Variants in FAM98A observed in about 807,000 individuals in gnomAD.
The protein encoded by FAM98A is protein FAM98A.
FAM98A carries 25 observed loss-of-function variants against 62.9 expected under a neutral mutation model. The observed-to-expected ratio is 0.40, with a 90% confidence interval of 0.29 to 0.56. The LOEUF (loss-of-function observed/expected upper bound fraction) is 0.56. FAM98A is among the 20% of genes least tolerant of loss of function. The pLI is 0.51. For missense variants in FAM98A, 653 were observed against 640.7 expected, an observed-to-expected ratio of 1.02 and a Z score of -0.21; for synonymous variants, 252 against 228.6, an observed-to-expected ratio of 1.10 and a Z score of -0.92.
chr2:33,585,982 G>T (rs113165207), intron 6 of FAM98A, among the ~76,000 whole-genome samples: 13 of 152,250 alleles, frequency 8.5e-5, no homozygotes, highest in Admixed American at 7.8e-4. Context: ...TGATAAAAAG[G>T]TTCCCCCATC....
At chr2:33,593,361 G>A (rs768312846) in intron 2 of FAM98A, among the ~76,000 whole-genome samples, 18 of 152,256 alleles carry the variant, frequency 1.2e-4, no homozygotes, top group South Asian at 2.1e-4. Flanking sequence ...CCCAGATCGC[G>A]CCACTGCACT....
intron 1 of FAM98A, among the ~76,000 whole-genome samples, chr2:33,596,220 G>A (rs907944537): frequency 2.0e-5 from 3 of 151,958 alleles, no homozygotes; most frequent in Admixed American, 2.0e-4. Flanking sequence ...GGTTTTTAAT[G>A]ACTTCCTTTA....
rs1677756107 is a variant in FAM98A at position 33,594,633 on chromosome 2, A to G, written c.202+856T>C. Among the ~76,000 whole-genome samples the G allele has an allele frequency of 3.1e-5, 4 of 127,090 alleles. 1 individual carries two copies. The South Asian group carries it at 9.5e-4, about 30-fold the overall frequency. 83.4% of individuals were successfully genotyped at this position (127,090 alleles called of 152,430 possible). On this transcript the variant is annotated intron_variant, in intron 2 of 7. Coordinates refer to ENST00000238823, the MANE Select transcript of FAM98A (RefSeq NM_015475.5). ...CACACATATATATATACACACATAT[A>G]TATACACATATATATATACACACAT...
At chr2:33,594,382 AG>A (rs1677741884) in intron 2 of FAM98A, among the ~76,000 whole-genome samples, 1 of 151,784 alleles carries the variant, frequency 6.6e-6, no homozygotes, top group Admixed American at 6.6e-5. Flanking sequence ...GGACACAGGG[AG>A]GGGAACAACA....
chr2:33,596,964 C>T (rs1677827672), intron 1 of FAM98A, among the ~76,000 whole-genome samples: 1 of 149,918 alleles, frequency 6.7e-6, no homozygotes, highest in South Asian at 2.1e-4. Context: ...AGTTCTCAAA[C>T]CCTTTAAAAT....
chr2:33,584,073 T>C lies in FAM98A; in HGVS notation c.*703A>G, dbSNP rs1028404765. On this transcript the variant is annotated 3_prime_UTR_variant, in exon 8 of 8. Coordinates refer to ENST00000238823, the MANE Select transcript of FAM98A (RefSeq NM_015475.5). ...ATGGATGCAGGTCAGTTTGAATTGCTATACTTAACTAAATGCCTACATGTA... is the reference window on the plus strand; with the variant it reads ...ATGGATGCAGGTCAGTTTGAATTGCCATACTTAACTAAATGCCTACATGTA... 1 of 152,692 alleles carries C rather than the reference T, an allele frequency of 6.5e-6. No individual in the cohort carries two copies. The highest frequency in any genetic ancestry group is 1.5e-5 in the Non-Finnish European group (1 of 68,036). The allele number at this position is 152,692 out of a possible 1,614,324, so 9.5% of individuals were successfully genotyped here. A position where few individuals can be genotyped will look rare whatever the true frequency, so the allele number is the denominator to read the frequency against.
chr2:33,592,107 T>C lies in FAM98A; in HGVS notation c.310A>G (p.Ile104Val), dbSNP rs201196734. Reference sequence around the variant, plus strand: ...AGCAAGAGGAGGCAGTTCTTCTGAATGAGAAGGCGCTTGGTCACATCCCCA... The same window carrying C: ...AGCAAGAGGAGGCAGTTCTTCTGAACGAGAAGGCGCTTGGTCACATCCCCA... Reference protein sequence around the residue: ...TSGDVTKRLLIQKNCLLLLTY... With the variant: ...TSGDVTKRLLVQKNCLLLLTY... Residue 104 changes from isoleucine (I) to valine (V), a missense_variant, in exon 3 of 8, where the codon ATT (isoleucine) becomes GTT (valine). By Grantham distance (29) the Ile-to-Val change is conservative (BLOSUM62 3). Coordinates refer to ENST00000238823, the MANE Select transcript of FAM98A (RefSeq NM_015475.5). The C allele has an allele frequency of 1.8e-5, 29 of 1,613,436 alleles. No homozygotes were observed. Among genetic ancestry groups the C allele is most frequent in the Non-Finnish European group, 2.4e-5 (28 of 1,179,620 alleles).
intron 6 of FAM98A, among the ~76,000 whole-genome samples, chr2:33,586,125 G>A (rs981303490): frequency 2.0e-5 from 3 of 151,976 alleles, no homozygotes; most frequent in African/African-American, 7.3e-5. Context: ...AATGACCAAG[G>A]TCTTTACCTG....
rs907127967 is a variant in FAM98A at position 33,586,215 on chromosome 2, T to C, written c.720+347A>G. Reference sequence around the variant, plus strand: ...CTATAAATCATACCAAATCCAATATTTCTAACTTCTATTAGCAAATTAAAT... The same window carrying C: ...CTATAAATCATACCAAATCCAATATCTCTAACTTCTATTAGCAAATTAAAT... On this transcript the variant is annotated intron_variant, in intron 6 of 7. Coordinates refer to ENST00000238823, the MANE Select transcript of FAM98A (RefSeq NM_015475.5). Among the ~76,000 whole-genome samples, 3 of 152,222 alleles carry C rather than the reference T, an allele frequency of 2.0e-5. 1 individual carries two copies. Among genetic ancestry groups the C allele is most frequent in the African/African-American group, 7.2e-5 (3 of 41,468 alleles).
At chr2:33,593,676 TG>T (rs557117554) in intron 2 of FAM98A, among the ~76,000 whole-genome samples, 34 of 152,306 alleles carry the variant, frequency 2.2e-4, no homozygotes, top group African/African-American at 7.5e-4. Flanking sequence ...TTTTCTAATC[TG>T]TAATACAGGA....
intron 1 of FAM98A, among the ~76,000 whole-genome samples, chr2:33,596,925 G>A (rs1677826626): frequency 2.0e-5 from 3 of 147,392 alleles, no homozygotes; most frequent in Admixed American, 2.0e-4. Flanking sequence ...ATATAATGTT[G>A]AGAACTACAG....
intron 4 of FAM98A, chr2:33,587,523 G>T: frequency 1.8e-6 from 1 of 556,396 alleles, no homozygotes; most frequent in Admixed American, 3.0e-5. Flanking sequence ...GTCCTTCATT[G>T]CACCTAGAAC....
At chr2:33,592,057 T>C (rs1677682352) in intron 3 of FAM98A, 23 bp downstream of exon 3, 6 of 1,600,720 alleles carry the variant, frequency 3.7e-6, no homozygotes, top group Non-Finnish European at 5.1e-6. Flanking sequence ...GTAATAGCTA[T>C]ATTCTAGTAG....
Position 33,595,516 on chromosome 2 carries a change from G to A in FAM98A, c.175C>T (p.Leu59=), listed in dbSNP as rs1432159030. 1.2e-6 allele frequency: 2 copies of A among 1,606,838 alleles called. No homozygotes were observed. Among genetic ancestry groups the A allele is most frequent in the Non-Finnish European group, 1.7e-6 (2 of 1,177,402 alleles). Residue 59 remains leucine, a synonymous_variant, in exon 2 of 8, where the codon CTA becomes TTA. Transcript: ENST00000238823. ...TTAGTTGCTTGCACGTTTTCCTCTA[G>A]TTTACAGAGCACTCTTAATTCAGAC... ...LVSELRVLCK[L]EENVQATNSP...
intron 1 of FAM98A, among the ~76,000 whole-genome samples, chr2:33,598,511 C>T (rs1348922337): frequency 6.6e-6 from 1 of 152,130 alleles, no homozygotes; most frequent in Admixed American, 6.5e-5. Flanking sequence ...AACAAATACG[C>T]AGGTTCTTCG....
chr2:33,597,674 T>C (rs534809571), intron 1 of FAM98A, among the ~76,000 whole-genome samples: 15 of 152,346 alleles, frequency 9.8e-5, no homozygotes, highest in South Asian at 4.1e-4. Context: ...AAAGACTACA[T>C]TTAATAAGGT....
In FAM98A at chr2:33,585,569, G is replaced by T; in HGVS notation, c.849C>A (p.Ser283Arg). The change falls in exon 7 of 8, where the codon AGC becomes AGA. Residue 283 changes from serine to arginine, a missense_variant. By Grantham distance (110) the Ser-to-Arg change is moderately radical. Transcript: ENST00000238823. Reference sequence around the variant, plus strand: ...AGGCAGTCTTTTCTCTTATAGAGCCGCTGCTTGTCCTTAAAATCTTTGACA... The same window carrying T: ...AGGCAGTCTTTTCTCTTATAGAGCCTCTGCTTGTCCTTAAAATCTTTGACA... ...QDLSKILRTS[S>R]GSIREKTACA... 1 of 1,614,094 alleles carries T rather than the reference G, an allele frequency of 6.2e-7. No individual in the cohort carries two copies. The highest frequency in any genetic ancestry group is 8.5e-7 in the Non-Finnish European group (1 of 1,180,026).
Position 33,590,274 on chromosome 2 carries a change from C to T in FAM98A, c.338-1755G>A, listed in dbSNP as rs1677642986. 5.3e-5 allele frequency among the ~76,000 whole-genome samples: 8 copies of T among 152,266 alleles called. No individual in the cohort carries two copies. In the South Asian group the frequency reaches 1.7e-3, roughly 32 times the overall value. ...GCCAAACAGAGTCCTTAATCTGATA[C>T]ATGAGAGCTTTTCAGCCTCTCACTC... On this transcript the variant is annotated intron_variant, in intron 3 of 7. Transcript: ENST00000238823.
chr2:33,585,853 T>C (rs998672254), intron 6 of FAM98A, among the ~76,000 whole-genome samples, 156 bp from the exon 7 acceptor site: 5 of 152,318 alleles, frequency 3.3e-5, no homozygotes, highest in South Asian at 4.1e-4. Flanking sequence ...TGCTCCTACA[T>C]AGTCAAGAAC....
Sources: allele counts gnomAD v4.1 joint callset (sites outside exome capture counted in the v4.1 genomes callset), GRCh38; gene constraint gnomAD v4.1.1; transcripts MANE v1.5; gene names NCBI Gene and HGNC (gene_info 2026-07-23, HGNC 2026-07-21).